RBBP8: variants seen among roughly 807,000 people sequenced by gnomAD.
RBBP8 encodes the protein RB binding protein 8, endonuclease, also known as DNA endonuclease RBBP8.
In RBBP8, 88 loss-of-function variants were observed where a neutral mutation model predicts 108.3. The observed-to-expected ratio is 0.81, with a 90% confidence interval of 0.68 to 0.97. RBBP8 has a LOEUF of 0.97. Among genes scored for constraint, RBBP8 ranks in the 50% least tolerant of loss-of-function variants. RBBP8 has a pLI of 0.00. For synonymous variants in RBBP8, 332 were observed against 348.2 expected, an observed-to-expected ratio of 0.95 and a Z score of 0.52; for missense variants, 1,023 against 1,049.0, an observed-to-expected ratio of 0.98 and a Z score of 0.34.
At chr18:22,957,295 T>TTC (rs1555635636) in intron 4 of RBBP8, among the ~76,000 whole-genome samples, 21 of 146,262 alleles carry the variant, frequency 1.4e-4, no homozygotes, top group Non-Finnish European at 2.3e-4. Context: ...CTTTTTCTTT[T>TTC]TTTTTTTTTT....
chr18:23,007,442 C>T (rs987232774), intron 16 of RBBP8, among the ~76,000 whole-genome samples: 3 of 151,800 alleles, frequency 2.0e-5, no homozygotes, highest in Non-Finnish European at 2.9e-5. Context: ...TGGTGGCTCA[C>T]GCTTGTAATC....
At chr18:22,994,997 A>T (rs2144715741) in intron 12 of RBBP8, among the ~76,000 whole-genome samples, 1 of 152,224 alleles carries the variant, frequency 6.6e-6, no homozygotes, top group East Asian at 1.9e-4. Context: ...AAGTGCTGGG[A>T]TTACAGGTGT....
chr18:22,977,929 C>G (rs1275508700), intron 6 of RBBP8: 3 of 152,096 alleles, frequency 2.0e-5, no homozygotes, highest in African/African-American at 7.2e-5. Flanking sequence ...TAAATATCCT[C>G]TGTTCATTCA....
At chr18:22,964,205 C>T (rs906984498) in intron 4 of RBBP8, among the ~76,000 whole-genome samples, 2 of 152,034 alleles carry the variant, frequency 1.3e-5, no homozygotes, top group Non-Finnish European at 1.5e-5. Context: ...TGGCCTCAAG[C>T]GATCCTCCCA....
chr18:22,932,726 T>C (rs193074235), upstream of RBBP8, among the ~76,000 whole-genome samples: 1 of 152,226 alleles, frequency 6.6e-6, no homozygotes, highest in Admixed American at 6.5e-5. Flanking sequence ...TACTATCGGT[T>C]TGAATCTCAA....
Position 23,020,622 on chromosome 18 carries a change from AAGTTAAATCATGTCATTCCCAG to A in RBBP8, c.2455-1505_2455-1484del, listed in dbSNP as rs540105123. ...TTTTTAAATAATCTTTTTAGAATAA[AAGTTAAATCATGTCATTCCCAG>A]AATCCTTCATTGTCTTCCCATCCCA... On this transcript the variant is annotated intron_variant, in intron 17 of 18. Coordinates refer to ENST00000327155, the MANE Select transcript of RBBP8 (RefSeq NM_002894.3). Among the ~76,000 whole-genome samples the A allele has an allele frequency of 8.3e-4, 127 of 152,120 alleles. No homozygotes were observed. The Middle Eastern group carries it at 0.017, about 20-fold the overall frequency.
intron 4 of RBBP8, among the ~76,000 whole-genome samples, chr18:22,964,770 C>T (rs949021379): frequency 6.6e-6 from 1 of 152,046 alleles, no homozygotes; most frequent in African/African-American, 2.4e-5. Context: ...GCTGGGATTA[C>T]AGGCATGGGC....
intron 10 of RBBP8, among the ~76,000 whole-genome samples, chr18:22,991,905 A>G (rs1297852686): frequency 6.6e-6 from 1 of 152,174 alleles, no homozygotes; most frequent in Non-Finnish European, 1.5e-5. Context: ...TCATCTTAGT[A>G]ACTGATTAAA....
At chr18:22,996,539 A>C in intron 13 of RBBP8, 77 bp downstream of exon 13, 1 of 1,573,232 alleles carries the variant, frequency 6.4e-7, no homozygotes, top group Non-Finnish European at 8.6e-7. Context: ...CTCGTGACTC[A>C]CTGTATCACC....
chr18:22,967,069 G>T (rs1178205491), intron 4 of RBBP8, among the ~76,000 whole-genome samples: 1 of 151,842 alleles, frequency 6.6e-6, no homozygotes, highest in African/African-American at 2.4e-5. Context: ...TTATTGACTT[G>T]AAATTATTAT....
At chr18:22,975,020 C>A in intron 5 of RBBP8, 133 bp from the exon 6 acceptor site, 1 of 1,173,818 alleles carries the variant, frequency 8.5e-7, no homozygotes, top group Non-Finnish European at 1.2e-6. Context: ...CTAGTGTTAA[C>A]CCTGAATAAA....
At chr18:22,973,866 T>C (rs1372295363) in intron 5 of RBBP8, among the ~76,000 whole-genome samples, 2 of 152,202 alleles carry the variant, frequency 1.3e-5, no homozygotes, top group Non-Finnish European at 2.9e-5. Flanking sequence ...AGTACTTTAT[T>C]TGTACTTCTC....
chr18:22,932,391 A>C (rs1374417052), upstream of RBBP8, among the ~76,000 whole-genome samples: 2 of 152,216 alleles, frequency 1.3e-5, no homozygotes, highest in African/African-American at 4.8e-5. Flanking sequence ...AGTCTTATAA[A>C]ATGGGGAAGT....
At chr18:23,000,158 A>C (rs367698627) in intron 14 of RBBP8, among the ~76,000 whole-genome samples, 1 of 152,214 alleles carries the variant, frequency 6.6e-6, no homozygotes, top group African/African-American at 2.4e-5. Flanking sequence ...TAAGTCCAGG[A>C]GAAAGGTAAA....
chr18:22,953,781 T>C (rs1199211980), intron 4 of RBBP8, among the ~76,000 whole-genome samples: 1 of 152,050 alleles, frequency 6.6e-6, no homozygotes, highest in Non-Finnish European at 1.5e-5. Flanking sequence ...ATTTTCACGC[T>C]GATTTAAAGG....
At chr18:23,004,367 A>G (rs968653894) in intron 15 of RBBP8, among the ~76,000 whole-genome samples, 2 of 152,156 alleles carry the variant, frequency 1.3e-5, no homozygotes, top group African/African-American at 4.8e-5. Context: ...TTGTGCAAAC[A>G]TCGATGAGCT....
rs78281669 is a variant in RBBP8, at chr18:22,980,714, G to GTT, written c.429-1488_429-1487dup. 1.2e-3 allele frequency among the ~76,000 whole-genome samples: 165 copies of GTT among 136,858 alleles called. No homozygotes were observed. In the Middle Eastern group the frequency reaches 0.019, roughly 16 times the overall value. The allele number at this position is 136,858 out of a possible 152,430, so 89.8% of individuals were successfully genotyped here. A position where few individuals can be genotyped will look rare whatever the true frequency, so the allele number is the denominator to read the frequency against. On this transcript the variant is annotated intron_variant, in intron 6 of 18. Transcript: ENST00000327155. ...TCCATATGACTTAAGTCTTTTTGGG[G>GTT]TTTTTTTTTTTTTTTTTGGAGACAG...
In RBBP8 at chr18:22,980,965, CTTTTTT is replaced by C. The variant is rs1167377654; in HGVS notation, c.429-1233_429-1228del. On this transcript the variant is annotated intron_variant, in intron 6 of 18. Transcript: ENST00000327155. ...AATTGTAGGTGTGAGCCACTTATGT[CTTTTTT>C]TTTTTTTTTTTTTTTTTTTGAGACG... Among the ~76,000 whole-genome samples the C allele has an allele frequency of 1.3e-4, 9 of 69,502 alleles. No individual in the cohort carries two copies. The East Asian group carries it at 2.5e-3, about 19-fold the overall frequency. 45.6% of individuals were successfully genotyped at this position (69,502 alleles called of 152,430 possible). A position where few individuals can be genotyped will look rare whatever the true frequency, so the allele number is the denominator to read the frequency against.
In RBBP8 at chr18:23,022,233, A is replaced by G. The variant is rs956518463; in HGVS notation, c.2559A>G (p.Glu853=). 3.1e-6 allele frequency: 5 copies of G among 1,612,540 alleles called. No homozygotes were observed. Among genetic ancestry groups the G allele is most frequent in the African/African-American group, 2.7e-5 (2 of 74,894 alleles). ...CCAACACACCAGAGAATTTTTGGGA[A>G]GTTGGTTTTCCTTCCACTCAGACTT... is the stretch of plus-strand genomic sequence containing the variant. The part of the protein sequence containing the change: ...IPPNTPENFW[E]VGFPSTQTCM... Residue 853 remains glutamate, a synonymous_variant, in exon 18 of 19, where the codon GAA becomes GAG. Coordinates refer to ENST00000327155, the MANE Select transcript of RBBP8 (RefSeq NM_002894.3).
Sources: allele counts gnomAD v4.1 joint callset (sites outside exome capture counted in the v4.1 genomes callset), GRCh38; gene constraint gnomAD v4.1.1; transcripts MANE v1.5; gene names NCBI Gene and HGNC (gene_info 2026-07-23, HGNC 2026-07-21).